CWC22: variants seen among roughly 807,000 people sequenced by gnomAD.
CWC22 encodes CWC22 spliceosome associated protein.
In CWC22, 53 loss-of-function variants were observed where a neutral mutation model predicts 117.2. That is an observed-to-expected ratio of 0.45 (90% confidence interval 0.36 to 0.57). The LOEUF (loss-of-function observed/expected upper bound fraction) is 0.57. CWC22 is among the 20% of genes least tolerant of loss of function. The probability of loss-of-function intolerance (pLI) is 0.00; values close to 1 mark genes in which losing one functional copy is unlikely to be tolerated. For missense variants in CWC22, 980 were observed against 1,068.8 expected, an observed-to-expected ratio of 0.92 and a Z score of 1.16; for synonymous variants, 360 against 355.6, an observed-to-expected ratio of 1.01 and a Z score of -0.14.
At chr2:179,980,564 C>T (rs542587956) in intron 5 of CWC22, among the ~76,000 whole-genome samples, 3 of 151,814 alleles carry the variant, frequency 2.0e-5, no homozygotes, top group Non-Finnish European at 2.9e-5. Flanking sequence ...ACTACAGGCA[C>T]CCACCACCAC....
intron 8 of CWC22, among the ~76,000 whole-genome samples, chr2:179,972,901 C>T (rs982216637): frequency 1.7e-4 from 26 of 151,694 alleles, no homozygotes; most frequent in Admixed American, 1.1e-3. Context: ...CCCAGCTACT[C>T]GGGAGGCTGA....
At chr2:179,978,476 G>C (rs1687206144) in intron 5 of CWC22, among the ~76,000 whole-genome samples, 158 bp from the exon 6 acceptor site, 1 of 146,980 alleles carries the variant, frequency 6.8e-6, no homozygotes, top group Admixed American at 7.4e-5. Context: ...AGGATAAATA[G>C]ATTATATCCT....
chr2:179,969,753 C>G (rs1031549843), intron 11 of CWC22, among the ~76,000 whole-genome samples: 2 of 152,108 alleles, frequency 1.3e-5, no homozygotes, highest in African/African-American at 4.8e-5. Flanking sequence ...AGTAAAATTA[C>G]AACTCAAGAG....
intron 17 of CWC22, 46 bp from the exon 18 acceptor site, chr2:179,950,972 T>C: frequency 8.6e-7 from 1 of 1,167,598 alleles, no homozygotes. Context: ...TGCTTAAAGA[T>C]AAAAAGGTAA....
chr2:179,981,089 T>C (rs1687273469), intron 5 of CWC22, among the ~76,000 whole-genome samples: 1 of 152,220 alleles, frequency 6.6e-6, no homozygotes, highest in Non-Finnish European at 1.5e-5. Flanking sequence ...TAGATCATGA[T>C]CTGAAGAAAA....
Position 179,950,632 on chromosome 2 carries a change from C to A in CWC22, c.2020G>T (p.Ala674Ser). The A allele has an allele frequency of 1.2e-6, 2 of 1,613,552 alleles. No individual in the cohort carries two copies. Among genetic ancestry groups the A allele is most frequent in the Non-Finnish European group, 1.7e-6 (2 of 1,179,620 alleles). ...GAGTCAGACTCTGAAGAGGAGGACG[C>A]TGAAGAGGAAGAGGATGGGGAGGAT... Reference protein sequence around the residue: ...NKSSPSSSSSASSSSESDSSD... With the variant: ...NKSSPSSSSSSSSSSESDSSD... Residue 674 changes from alanine (A) to serine (S), a missense_variant, in exon 19 of 20, where the codon GCG becomes TCG. This residue lies in a region of CWC22 where 306 missense variants were observed against 296.8 expected (regional missense o/e 1.03). Coordinates refer to ENST00000410053, the MANE Select transcript of CWC22 (RefSeq NM_020943.3).
intron 11 of CWC22, among the ~76,000 whole-genome samples, chr2:179,968,027 G>T (rs35037768): frequency 6.6e-6 from 1 of 152,024 alleles, no homozygotes; most frequent in Non-Finnish European, 1.5e-5. Context: ...CCGACACTTA[G>T]ATTTTTTTGG....
At chr2:179,963,258 C>T (rs901398236) in intron 13 of CWC22, among the ~76,000 whole-genome samples, 3 of 147,784 alleles carry the variant, frequency 2.0e-5, no homozygotes, top group Non-Finnish European at 4.5e-5. Context: ...AATGAAAGGT[C>T]AAACCCAAAG....
At chr2:179,990,554 G>C (rs938162034) in intron 2 of CWC22, among the ~76,000 whole-genome samples, 2 of 147,902 alleles carry the variant, frequency 1.4e-5, no homozygotes, top group Non-Finnish European at 1.5e-5. Context: ...GACAGAGAGA[G>C]AGAGAGAGAG....
chr2:179,945,937 C>G (rs1686281828), intron 19 of CWC22, among the ~76,000 whole-genome samples: 1 of 152,088 alleles, frequency 6.6e-6, no homozygotes, highest in Admixed American at 6.6e-5. Flanking sequence ...GGCTGGAGTG[C>G]AGTGGCGCAA....
chr2:179,987,821 ATTAATG>A (rs1201526783), intron 3 of CWC22, among the ~76,000 whole-genome samples: 1 of 152,228 alleles, frequency 6.6e-6, no homozygotes, highest in Non-Finnish European at 1.5e-5. Context: ...CATAATGCAC[ATTAATG>A]TTAACATTTT....
At chr2:179,956,736 A>T (rs1271570583) in intron 14 of CWC22, among the ~76,000 whole-genome samples, 1 of 151,878 alleles carries the variant, frequency 6.6e-6, no homozygotes, top group African/African-American at 2.4e-5. Context: ...AGGCTTTTCT[A>T]AATTCTACCA....
chr2:180,000,154 G>T (rs1687809146), intron 1 of CWC22, among the ~76,000 whole-genome samples: 1 of 152,130 alleles, frequency 6.6e-6, no homozygotes, highest in African/African-American at 2.4e-5. Context: ...TTACATATTA[G>T]TGAAAAAATT....
intron 6 of CWC22, among the ~76,000 whole-genome samples, chr2:179,977,403 C>T (rs1422824395): frequency 6.6e-6 from 1 of 152,042 alleles, no homozygotes; most frequent in Non-Finnish European, 1.5e-5. Flanking sequence ...TAAAGGAAAT[C>T]CTGTCATTTG....
intron 16 of CWC22, 86 bp downstream of exon 16, chr2:179,954,119 T>C (rs1686523151): frequency 5.3e-6 from 5 of 935,574 alleles, no homozygotes; most frequent in Admixed American, 5.2e-5. Context: ...CATTTCATAA[T>C]AGGATAAATA....
chr2:179,961,468 A>G (rs371101450), intron 13 of CWC22, among the ~76,000 whole-genome samples: 1 of 152,184 alleles, frequency 6.6e-6, no homozygotes, highest in East Asian at 1.9e-4. Flanking sequence ...AAGAGATTAT[A>G]TAACAGATAA....
Position 179,950,615 on chromosome 2 carries a change from C to T in CWC22, c.2037G>A (p.Glu679=), listed in dbSNP as rs1398824469. 6.2e-7 allele frequency: 1 copy of T among 1,613,502 alleles called. No individual in the cohort carries two copies. Among genetic ancestry groups the T allele is most frequent in the South Asian group, 1.1e-5 (1 of 91,072 alleles). ...CAGAATCAGAGTCGGATGAGTCAGA[C>T]TCTGAAGAGGAGGACGCTGAAGAGG... ...SSSSSASSSS[E]SDSSDSDSDS... Residue 679 remains glutamate, a synonymous_variant, in exon 19 of 20, where the codon GAG becomes GAA. Coordinates refer to ENST00000410053, the MANE Select transcript of CWC22 (RefSeq NM_020943.3).
At chr2:179,981,677 G>A in intron 5 of CWC22, 75 bp downstream of exon 5, 1 of 1,251,400 alleles carries the variant, frequency 8.0e-7, no homozygotes, top group Non-Finnish European at 1.1e-6. Flanking sequence ...CAAGAACCAG[G>A]GTTAATTAAA....
intron 1 of CWC22, among the ~76,000 whole-genome samples, chr2:179,997,290 GAT>G (rs550447802): frequency 3.3e-5 from 5 of 151,170 alleles, no homozygotes; most frequent in East Asian, 1.9e-4. Flanking sequence ...AAAAGTTAAG[GAT>G]ATATATATAC....
Sources: gnomAD v4.1 joint callset for allele counts (sites outside exome capture counted in the v4.1 genomes callset) on GRCh38, gnomAD v4.1.1 for gene constraint, gnomAD v4.1.1 regional missense constraint, MANE v1.5 for transcripts, NCBI Gene and HGNC (gene_info 2026-07-23, HGNC 2026-07-21) for gene names.